The following LARGE1 variants were observed in gnomAD, a reference collection of about 807,000 sequenced individuals.
LARGE1 encodes LARGE xylosyl- and glucuronyltransferase 1.
LARGE1 carries 43 observed loss-of-function variants against 87.6 expected under a neutral mutation model. That is an observed-to-expected ratio of 0.49 (90% CI 0.38 to 0.63). The LOEUF is 0.63. Ranked by LOEUF, LARGE1 falls within the 30% of genes least tolerant of loss-of-function variation. LARGE1 has a pLI of 0.00. For synonymous variants in LARGE1, 434 were observed against 394.6 expected, an observed-to-expected ratio of 1.10 and a Z score of -1.18; for missense variants, 802 against 1,000.2, an observed-to-expected ratio of 0.80 and a Z score of 2.67.
intron 1 of LARGE1, among the ~76,000 whole-genome samples, chr22:33,872,655 T>C (rs541898627): frequency 5.6e-4 from 85 of 152,160 alleles, no homozygotes; most frequent in African/African-American, 1.8e-3. Context: ...GCTGGTCTTA[T>C]GGAGCACACT....
chr22:33,272,423 A>G (rs1178506600), downstream of LARGE1, among the ~76,000 whole-genome samples: 1 of 152,222 alleles, frequency 6.6e-6, no homozygotes, highest in Non-Finnish European at 1.5e-5. Flanking sequence ...CTGAACGTGG[A>G]AACTGGAAAT....
At chr22:33,311,747 C>T (rs1935620785) in intron 11 of LARGE1, among the ~76,000 whole-genome samples, 1 of 152,156 alleles carries the variant, frequency 6.6e-6, no homozygotes, top group Non-Finnish European at 1.5e-5. Context: ...GTGCACATGC[C>T]TTCGTAAGGA....
chr22:33,897,459 T>C (rs1212635333), intron 1 of LARGE1, among the ~76,000 whole-genome samples: 1 of 152,130 alleles, frequency 6.6e-6, no homozygotes, highest in Admixed American at 6.5e-5. Flanking sequence ...GGAGGCAAGC[T>C]GGGCCTGGAG....
At chr22:33,627,866 G>T (rs1274198255) in intron 3 of LARGE1, among the ~76,000 whole-genome samples, 1 of 152,110 alleles carries the variant, frequency 6.6e-6, no homozygotes, top group Non-Finnish European at 1.5e-5. Context: ...TTATGGGCTT[G>T]CCACATGAGC....
chr22:33,640,910 C>A (rs536915016), intron 3 of LARGE1, among the ~76,000 whole-genome samples: 139 of 152,310 alleles, frequency 9.1e-4, no homozygotes, highest in African/African-American at 3.2e-3. Flanking sequence ...AAGGCAGCAG[C>A]TCCAGTCAGG....
At chr22:33,889,632 T>C (rs1415027776) in intron 1 of LARGE1, among the ~76,000 whole-genome samples, 5 of 151,910 alleles carry the variant, frequency 3.3e-5, no homozygotes, top group Non-Finnish European at 7.4e-5. Context: ...GGGTCTGGTG[T>C]TTGCAGGGGG....
At chr22:33,649,202 C>T (rs1357889215) in intron 3 of LARGE1, among the ~76,000 whole-genome samples, 5 of 152,186 alleles carry the variant, frequency 3.3e-5, no homozygotes, top group Non-Finnish European at 7.4e-5. Flanking sequence ...CTCTCCTTGT[C>T]CTCCTCCCTC....
At chr22:33,648,260 C>T (rs549659287) in intron 3 of LARGE1, among the ~76,000 whole-genome samples, 2 of 151,598 alleles carry the variant, frequency 1.3e-5, no homozygotes, top group East Asian at 3.9e-4. Flanking sequence ...TCTCAGAAGA[C>T]TGAGCAGGGG....
At chr22:33,660,957 C>T (rs949855094) in intron 2 of LARGE1, among the ~76,000 whole-genome samples, 13 of 151,670 alleles carry the variant, frequency 8.6e-5, no homozygotes, top group African/African-American at 2.7e-4. Context: ...AAGAGTGAGG[C>T]GAATCACACG....
rs760696772 is a variant in LARGE1 at position 33,604,432 on chromosome 22, T to A, written c.615+3A>T. 28 of 1,613,842 alleles carry A rather than the reference T, an allele frequency of 1.7e-5. No homozygotes were observed. The South Asian group carries it at 2.7e-4, about 16-fold the overall frequency. On this transcript the variant is annotated splice_donor_region_variant and intron_variant, in intron 5 of 14. Coordinates refer to ENST00000397394, the MANE Select transcript of LARGE1 (RefSeq NM_133642.5). ...ACGGAAGTGCCTCCCCTCCTGCCCA[T>A]ACCTTGAGCTCGTCTGCATTGTAGA...
chr22:33,776,960 G>A (rs1051336037), intron 1 of LARGE1, among the ~76,000 whole-genome samples: 7 of 152,160 alleles, frequency 4.6e-5, no homozygotes, highest in Admixed American at 3.3e-4. Context: ...GTCAGCACAT[G>A]GGCCCCTGCT....
At chr22:33,349,717 C>T (rs970049879) in intron 9 of LARGE1, among the ~76,000 whole-genome samples, 3 of 152,112 alleles carry the variant, frequency 2.0e-5, no homozygotes, top group Non-Finnish European at 4.4e-5. Context: ...AAAAATGGTG[C>T]CCTTTATACC....
intron 11 of LARGE1, among the ~76,000 whole-genome samples, chr22:33,313,390 C>T (rs1287416764): frequency 2.0e-5 from 3 of 152,150 alleles, no homozygotes; most frequent in South Asian, 2.1e-4. Context: ...ACCTCCTGCA[C>T]GACACTCAGA....
intron 4 of LARGE1, among the ~76,000 whole-genome samples, chr22:33,613,649 C>T (rs1042493706): frequency 7.9e-5 from 12 of 152,224 alleles, no homozygotes; most frequent in African/African-American, 1.4e-4. Flanking sequence ...TGTGCCATCA[C>T]GCCCGGCTAC....
At chr22:33,475,368 G>A (rs1222948920) in intron 6 of LARGE1, among the ~76,000 whole-genome samples, 1 of 152,114 alleles carries the variant, frequency 6.6e-6, no homozygotes. Flanking sequence ...GATCAAGGTA[G>A]AGAAAATGTT....
At chr22:33,459,864 A>G (rs1003017700) in intron 6 of LARGE1, among the ~76,000 whole-genome samples, 1 of 152,086 alleles carries the variant, frequency 6.6e-6, no homozygotes, top group Non-Finnish European at 1.5e-5. Flanking sequence ...CATACCCCCA[A>G]TAGCACCCAA....
intron 1 of LARGE1, among the ~76,000 whole-genome samples, chr22:33,765,441 C>T (rs569818913): frequency 1.4e-4 from 22 of 152,026 alleles, no homozygotes; most frequent in Non-Finnish European, 2.9e-4. Flanking sequence ...CAGTGGCTCA[C>T]ACCTGTAATC....
At chr22:33,698,960 G>T (rs1051519766) in intron 2 of LARGE1, among the ~76,000 whole-genome samples, 1 of 152,160 alleles carries the variant, frequency 6.6e-6, no homozygotes, top group Admixed American at 6.5e-5. Flanking sequence ...ATCCCCTGGT[G>T]ACTGGCACAT....
chr22:33,195,074 A>AT (rs1923994849), intron 11 of LARGE1, among the ~76,000 whole-genome samples: 1 of 152,246 alleles, frequency 6.6e-6, no homozygotes, highest in South Asian at 2.1e-4. Flanking sequence ...TCAAGCATTT[A>AT]TCAGGAAGTG....
Sources: gnomAD v4.1 joint callset for allele counts (sites outside exome capture counted in the v4.1 genomes callset) on GRCh38, gnomAD v4.1.1 for gene constraint, MANE v1.5 for transcripts, NCBI Gene and HGNC (gene_info 2026-07-23, HGNC 2026-07-21) for gene names.